Variants in PLEKHG1 observed in about 807,000 individuals in gnomAD.
The protein encoded by PLEKHG1 is pleckstrin homology and RhoGEF domain containing G1.
A neutral mutation model predicts 100.8 loss-of-function variants in PLEKHG1; 44 were observed. The ratio of observed to expected loss-of-function variants is 0.44; its 90% CI spans 0.34 to 0.56. The LOEUF is 0.56. PLEKHG1 is among the 20% of genes least tolerant of loss of function. The pLI, the probability that PLEKHG1 is intolerant of heterozygous loss-of-function variation, is 0.01. For missense variants in PLEKHG1, 1,545 were observed against 1,720.9 expected (o/e 0.90, Z 1.81); for synonymous variants, 640 against 662.5 (o/e 0.97, Z 0.52).
At chr6:150,603,967 C>G (rs58578147) in intron 1 of PLEKHG1, among the ~76,000 whole-genome samples, 1,607 of 152,230 alleles carry the variant, frequency 0.011, 32 homozygotes, top group African/African-American at 0.037. Flanking sequence ...GGCTTTCACT[C>G]GGTCTTTAAT....
exon 16 of PLEKHG1, chr6:150,842,676 A>C (rs1214856335): frequency 6.6e-6 from 1 of 152,212 alleles, no homozygotes; most frequent in Admixed American, 6.6e-5. Context: ...ATGATCAAAA[A>C]AGATAAGTAC....
intron 3 of PLEKHG1, among the ~76,000 whole-genome samples, chr6:150,771,440 T>C (rs529843949): frequency 4.6e-5 from 7 of 151,722 alleles, no homozygotes; most frequent in Non-Finnish European, 8.8e-5. Context: ...AATGAATGAA[T>C]GAACGAACGA....
chr6:150,758,322 C>T (rs1373277948), intron 2 of PLEKHG1, among the ~76,000 whole-genome samples: 2 of 141,496 alleles, frequency 1.4e-5, no homozygotes, highest in Non-Finnish European at 3.0e-5. Flanking sequence ...ACCTTGCTAG[C>T]ATCTGTTTCT....
chr6:150,723,727 ACTGTTTGGGTTCT>A (rs1272344301), intron 1 of PLEKHG1, among the ~76,000 whole-genome samples: 1 of 152,040 alleles, frequency 6.6e-6, no homozygotes, highest in Non-Finnish European at 1.5e-5. Context: ...TATAATAGAG[ACTGTTTGGGTTCT>A]CTCTTATTGC....
At chr6:150,693,192 A>G (rs1313749300) in intron 3 of PLEKHG1, among the ~76,000 whole-genome samples, 1 of 152,122 alleles carries the variant, frequency 6.6e-6, no homozygotes, top group African/African-American at 2.4e-5. Flanking sequence ...GGAGGCTGAG[A>G]CAGGAGAATC....
intron 14 of PLEKHG1, among the ~76,000 whole-genome samples, chr6:150,828,864 T>G (rs1009371847): frequency 6.6e-6 from 1 of 152,208 alleles, no homozygotes; most frequent in Non-Finnish European, 1.5e-5. Context: ...GCAGTCTGAG[T>G]AAGGTGAAGA....
intron 1 of PLEKHG1, among the ~76,000 whole-genome samples, chr6:150,631,411 C>A (rs1201044899): frequency 6.6e-6 from 1 of 152,176 alleles, no homozygotes; most frequent in South Asian, 2.1e-4. Context: ...GTGCTGCTGT[C>A]CTTTGGGGGA....
intron 6 of PLEKHG1, among the ~76,000 whole-genome samples, chr6:150,801,472 C>G (rs1786702130): frequency 7.8e-6 from 1 of 128,668 alleles, no homozygotes; most frequent in Non-Finnish European, 1.6e-5. Context: ...GGGTCTGGCT[C>G]TGTTGCCCAG....
In PLEKHG1 at chr6:150,744,275, C is replaced by T. The variant is rs543344199; in HGVS notation, c.411+10183C>T. ...ATTTTTAGTAGAGATGGGGTTTCAC[C>T]GAGTTAGCCAGGATGGTCTCAATCT... On this transcript the variant is annotated intron_variant, in intron 2 of 15. Coordinates refer to ENST00000358517, the Ensembl canonical transcript of PLEKHG1. Among the ~76,000 whole-genome samples the T allele has an allele frequency of 1.6e-3, 236 of 152,160 alleles. No individual in the cohort carries two copies. The Middle Eastern group carries it at 0.024, about 15-fold the overall frequency.
At chr6:150,800,920 GTATATAT>G (rs770360480) in intron 6 of PLEKHG1, 51 bp downstream of exon 7, 1 of 1,503,476 alleles carries the variant, frequency 6.7e-7, no homozygotes, top group African/African-American at 1.4e-5. Context: ...AGTTTTGTGT[GTATATAT>G]TAAGTTTGGT....
At chr6:150,805,426 CGTGG>C (rs1787012711) in intron 7 of PLEKHG1, among the ~76,000 whole-genome samples, 2 of 152,218 alleles carry the variant, frequency 1.3e-5, no homozygotes, top group Middle Eastern at 6.8e-3. Flanking sequence ...TGAGGTGGTG[CGTGG>C]GTGGTCTTAG....
At chr6:150,644,262 A>G (rs891198248) in intron 2 of PLEKHG1, among the ~76,000 whole-genome samples, 6 of 151,860 alleles carry the variant, frequency 4.0e-5, no homozygotes, top group African/African-American at 1.5e-4. Flanking sequence ...TGGCCCTATT[A>G]AAGAACTAAT....
At chr6:150,639,047 T>C (rs1388464824) in intron 2 of PLEKHG1, among the ~76,000 whole-genome samples, 2 of 152,234 alleles carry the variant, frequency 1.3e-5, no homozygotes, top group Non-Finnish European at 2.9e-5. Flanking sequence ...CCATTTCTTT[T>C]GGGAAGGCTT....
At chr6:150,656,240 G>T (rs185730068) in intron 3 of PLEKHG1, among the ~76,000 whole-genome samples, 5 of 151,986 alleles carry the variant, frequency 3.3e-5, no homozygotes, top group Admixed American at 2.6e-4. Context: ...AATCTGAGGG[G>T]GTCCCTAACT....
intron 3 of PLEKHG1, among the ~76,000 whole-genome samples, chr6:150,693,562 A>G (rs1780425965): frequency 6.6e-6 from 1 of 152,194 alleles, no homozygotes; most frequent in African/African-American, 2.4e-5. Context: ...CTTTGGTCAC[A>G]CTGGAGCACA....
intron 2 of PLEKHG1, among the ~76,000 whole-genome samples, chr6:150,766,886 C>T (rs1005261303): frequency 2.0e-5 from 3 of 152,214 alleles, no homozygotes; most frequent in African/African-American, 4.8e-5. Flanking sequence ...CCTCTGAATT[C>T]AGCCAGGTGA....
chr6:150,658,915 TC>T (rs564384426), intron 3 of PLEKHG1, among the ~76,000 whole-genome samples: 139 of 152,378 alleles, frequency 9.1e-4, no homozygotes, highest in African/African-American at 3.1e-3. Context: ...ATTTCTTAAT[TC>T]TTTTAGCCTT....
intron 2 of PLEKHG1, 78 bp from the exon 4 acceptor site, chr6:150,768,560 A>G: frequency 3.9e-6 from 3 of 770,768 alleles, no homozygotes; most frequent in Admixed American, 4.1e-5. Flanking sequence ...AACAGATATG[A>G]AAGATGCACT....
chr6:150,773,581 G>A (rs376439251), intron 3 of PLEKHG1, among the ~76,000 whole-genome samples: 113 of 152,288 alleles, frequency 7.4e-4, no homozygotes, highest in African/African-American at 2.6e-3. Context: ...GTGTGGGTCT[G>A]TGTTCTCTTT....
Sources: allele counts gnomAD v4.1 joint callset (sites outside exome capture counted in the v4.1 genomes callset), GRCh38; gene constraint gnomAD v4.1.1; transcripts MANE v1.5; gene names NCBI Gene and HGNC (gene_info 2026-07-23, HGNC 2026-07-21).